Variants in ZNF680 observed in about 807,000 individuals in gnomAD.
The protein encoded by ZNF680 is hypothetical protein FLJ90430.
A neutral mutation model predicts 12.1 loss-of-function variants in ZNF680; 6 were observed. The ratio of observed to expected loss-of-function variants is 0.49; its 90% CI spans 0.27 to 0.98. The LOEUF (loss-of-function observed/expected upper bound fraction) is 0.98. Among genes scored for constraint, ZNF680 ranks in the 50% least tolerant of loss-of-function variants. ZNF680 has a pLI of 0.12. For missense variants in ZNF680, 561 were observed against 616.3 expected (o/e 0.91, Z 0.95); for synonymous variants, 170 against 199.3 (o/e 0.85, Z 1.24).
At chr7:64,559,346 G>T (rs1787597870) in intron 1 of ZNF680, among the ~76,000 whole-genome samples, 3 of 152,178 alleles carry the variant, frequency 2.0e-5, no homozygotes, top group Admixed American at 2.0e-4. Flanking sequence ...TATTCATTTG[G>T]GGGGCTGTAA....
intron 3 of ZNF680, among the ~76,000 whole-genome samples, chr7:64,533,904 A>C (rs1786020889): frequency 6.6e-6 from 1 of 152,200 alleles, no homozygotes; most frequent in Admixed American, 6.5e-5. Flanking sequence ...AAACAAAAAC[A>C]TAAGTGGGAA....
chr7:64,553,558 G>A (rs1787198355), intron 1 of ZNF680, among the ~76,000 whole-genome samples: 1 of 152,142 alleles, frequency 6.6e-6, no homozygotes, highest in East Asian at 1.9e-4. Context: ...TGTTTACAGA[G>A]AGAAAAAGCA....
At position 64,522,473 on chromosome 7, in the gene ZNF680, A is replaced by G. The variant is rs778449007; in HGVS notation, c.281T>C (p.Leu94Pro). Reference sequence around the variant, plus strand: ...ATCTTTTATGCTATGCTCTGGCCAAAGGTCTTCAGTGAAATGAGAATATAT... The same window carrying G: ...ATCTTTTATGCTATGCTCTGGCCAAGGGTCTTCAGTGAAATGAGAATATAT... The part of the protein sequence containing the change: ...PVIYSHFTED[L>P]WPEHSIKDSF... The change falls in exon 4 of 4, where the codon CTT becomes CCT. Residue 94 changes from leucine (L) to proline (P), a missense_variant. Transcript: ENST00000309683. The G allele has an allele frequency of 6.5e-7, 1 of 1,539,204 alleles. No homozygotes were observed. The highest frequency in any genetic ancestry group is 8.7e-7 in the Non-Finnish European group (1 of 1,144,580).
intron 3 of ZNF680, among the ~76,000 whole-genome samples, chr7:64,533,797 G>T (rs1280838759): frequency 1.3e-5 from 2 of 152,140 alleles, no homozygotes; most frequent in African/African-American, 2.4e-5. Context: ...AGAACAGCAT[G>T]TTACTATTAT....
the ZNF680 span, among the ~76,000 whole-genome samples, chr7:64,514,211 T>A: frequency 6.6e-6 from 1 of 152,184 alleles, no homozygotes; most frequent in African/African-American, 2.4e-5. Flanking sequence ...TTAACAAGTT[T>A]AGGTATATAA....
chr7:64,539,813 T>C (rs745762934), intron 3 of ZNF680, among the ~76,000 whole-genome samples: 2 of 151,978 alleles, frequency 1.3e-5, no homozygotes, highest in Non-Finnish European at 2.9e-5. Context: ...ATGCCTGTCT[T>C]TAAAAATAGT....
At chr7:64,545,988 TAAG>T (rs752829179) in intron 1 of ZNF680, among the ~76,000 whole-genome samples, 2 of 152,168 alleles carry the variant, frequency 1.3e-5, no homozygotes, top group Non-Finnish European at 2.9e-5. Flanking sequence ...GCATGGCACA[TAAG>T]AAGCCATGAT....
Position 64,563,013 on chromosome 7 carries a change from G to A in ZNF680, c.-59C>T, listed in dbSNP as rs371750499. ...CGGAGTCACAGAGGCTGGGCCTCTA[G>A]GAGCAGAATACACAGAGCAGTAAAG... On this transcript the variant is annotated 5_prime_UTR_variant, in exon 1 of 4. Transcript: ENST00000309683. The A allele has an allele frequency of 6.3e-7, 1 of 1,592,480 alleles. No homozygotes were observed. Among genetic ancestry groups the A allele is most frequent in the Non-Finnish European group, 8.6e-7 (1 of 1,160,980 alleles).
downstream of ZNF680, among the ~76,000 whole-genome samples, chr7:64,517,822 C>T (rs1418129181): frequency 6.6e-6 from 1 of 151,794 alleles, no homozygotes; most frequent in Non-Finnish European, 1.5e-5. Flanking sequence ...CACCAATAAA[C>T]AGAATTATGA....
At chr7:64,531,637 A>G (rs1307842982) in intron 3 of ZNF680, among the ~76,000 whole-genome samples, 1 of 151,974 alleles carries the variant, frequency 6.6e-6, no homozygotes, top group Non-Finnish European at 1.5e-5. Context: ...ACTCCAAAAA[A>G]ACCTTCAAAA....
At chr7:64,500,893 C>A in the ZNF680 span, 1 of 581,924 alleles carries the variant, frequency 1.7e-6, no homozygotes. Context: ...CTGGAAATCT[C>A]AACACTCTTG....
At chr7:64,544,235 C>A in intron 2 of ZNF680, 71 bp downstream of exon 2, 1 of 1,535,630 alleles carries the variant, frequency 6.5e-7, no homozygotes, top group Non-Finnish European at 8.8e-7. Flanking sequence ...CAAATTACCA[C>A]AAGTTATGCA....
At chr7:64,510,023 T>A in the ZNF680 span, among the ~76,000 whole-genome samples, 73 of 105,800 alleles carry the variant, frequency 6.9e-4, no homozygotes, top group Non-Finnish European at 8.1e-4. Flanking sequence ...CGTAAAACTC[T>A]AAAAAAAAAA....
intron 1 of ZNF680, among the ~76,000 whole-genome samples, chr7:64,550,156 G>A (rs1050030062): frequency 2.0e-5 from 3 of 152,202 alleles, no homozygotes; most frequent in African/African-American, 7.2e-5. Context: ...GGGACAGAGA[G>A]TGGACTGATA....
At chr7:64,556,643 T>G (rs1427132990) in intron 1 of ZNF680, among the ~76,000 whole-genome samples, 1 of 152,084 alleles carries the variant, frequency 6.6e-6, no homozygotes, top group Non-Finnish European at 1.5e-5. Flanking sequence ...TCCAGGTGAT[T>G]AAAGACCTAA....
chr7:64,502,669 CTTTA>C, the ZNF680 span, among the ~76,000 whole-genome samples: 1 of 152,248 alleles, frequency 6.6e-6, no homozygotes, highest in Admixed American at 6.5e-5. Context: ...ATAAACAAGT[CTTTA>C]TTAAACCAGA....
chr7:64,508,142 T>TATATATACACACAC, the ZNF680 span, among the ~76,000 whole-genome samples: 1 of 112,218 alleles, frequency 8.9e-6, no homozygotes, highest in African/African-American at 3.5e-5. Flanking sequence ...TATATATATA[T>TATATATACACACAC]ACATAATTTT....
In ZNF680 at chr7:64,547,766, C is replaced by G. The variant is rs77498752; in HGVS notation, c.31-3334G>C. 2.3e-3 allele frequency among the ~76,000 whole-genome samples: 353 copies of G among 152,198 alleles called. 12 individuals carry two copies. The highest frequency in any genetic ancestry group is 0.017 in the Admixed American group (255 of 15,294). ...GTGGCTTATGGAGCAACTACTAAAT[C>G]TGCAGTAATAGAAAACAAGTTGCTA... is the stretch of plus-strand genomic sequence containing the variant. On this transcript the variant is annotated intron_variant, in intron 1 of 3. Transcript: ENST00000309683.
intron 3 of ZNF680, among the ~76,000 whole-genome samples, chr7:64,524,282 G>A (rs1009117571): frequency 6.6e-6 from 1 of 151,590 alleles, no homozygotes; most frequent in African/African-American, 2.4e-5. Flanking sequence ...CTAGTAGCTG[G>A]GATTACAGGC....
Sources: allele counts gnomAD v4.1 joint callset (sites outside exome capture counted in the v4.1 genomes callset), GRCh38; gene constraint gnomAD v4.1.1; transcripts MANE v1.5; gene names NCBI Gene and HGNC (gene_info 2026-07-23, HGNC 2026-07-21).